ADAMTS16: variants seen among roughly 807,000 people sequenced by gnomAD.
ADAMTS16 encodes the protein ADAM metallopeptidase with thrombospondin type 1 motif 16, also known as A disintegrin and metalloproteinase with thrombospondin motifs 16.
Under a neutral mutation model 145.8 loss-of-function variants are expected in ADAMTS16, and 94 were observed. The ratio of observed to expected loss-of-function variants is 0.64; its 90% CI spans 0.55 to 0.77. The LOEUF is 0.77. Ranked by LOEUF, ADAMTS16 falls within the 30% of genes least tolerant of loss-of-function variation. The pLI, the probability that ADAMTS16 is intolerant of heterozygous loss-of-function variation, is 0.00. For missense variants in ADAMTS16, 1,585 were observed against 1,591.5 expected, an observed-to-expected ratio of 1.00 and a Z score of 0.07; for synonymous variants, 659 against 604.3, an observed-to-expected ratio of 1.09 and a Z score of -1.33.
At chr5:5,253,142 A>G (rs1360271343) in intron 17 of ADAMTS16, among the ~76,000 whole-genome samples, 3 of 152,142 alleles carry the variant, frequency 2.0e-5, no homozygotes, top group Non-Finnish European at 4.4e-5. Flanking sequence ...GTCTTGGTCA[A>G]TTAGAAAGTT....
intron 3 of ADAMTS16, among the ~76,000 whole-genome samples, chr5:5,177,957 G>A (rs1215260752): frequency 1.3e-5 from 2 of 152,058 alleles, no homozygotes; most frequent in Admixed American, 6.5e-5. Flanking sequence ...GTGACTGGGC[G>A]TTTATTCATT....
intron 18 of ADAMTS16, among the ~76,000 whole-genome samples, chr5:5,283,599 C>A (rs1739002813): frequency 6.6e-6 from 1 of 152,056 alleles, no homozygotes; most frequent in South Asian, 2.1e-4. Context: ...GCTCAATAGG[C>A]AAAAGGTGTA....
At chr5:5,211,032 A>C (rs1488613803) in intron 10 of ADAMTS16, among the ~76,000 whole-genome samples, 1 of 152,196 alleles carries the variant, frequency 6.6e-6, no homozygotes, top group African/African-American at 2.4e-5. Context: ...CTTGATTGAT[A>C]TTATTGGGAA....
chr5:5,296,965 G>A (rs528589402), intron 18 of ADAMTS16, among the ~76,000 whole-genome samples: 1 of 152,330 alleles, frequency 6.6e-6, no homozygotes, highest in African/African-American at 2.4e-5. Flanking sequence ...GGGAGAGGTG[G>A]CCTTCCAGCA....
chr5:5,292,012 T>C (rs1159951707), intron 18 of ADAMTS16, among the ~76,000 whole-genome samples: 4 of 152,142 alleles, frequency 2.6e-5, no homozygotes, highest in Non-Finnish European at 5.9e-5. Context: ...ATTGATGAAA[T>C]GTCAAATTAT....
chr5:5,259,598 A>C (rs141070215), intron 17 of ADAMTS16, among the ~76,000 whole-genome samples: 1 of 152,230 alleles, frequency 6.6e-6, no homozygotes, highest in East Asian at 1.9e-4. Flanking sequence ...GGAAAGAGTA[A>C]GGTTATGGTC....
intron 17 of ADAMTS16, among the ~76,000 whole-genome samples, chr5:5,258,405 G>C (rs961142099): frequency 2.4e-4 from 37 of 152,212 alleles, no homozygotes; most frequent in Admixed American, 1.9e-3. Flanking sequence ...AGTAGCAACT[G>C]AGCCTTTGTT....
In ADAMTS16 at chr5:5,279,316, C is replaced by T. The variant is rs373058349; in HGVS notation, c.2789+16533C>T. ...GGATTCTGGGGTGGAAGTCACTTTC[C>T]CCAGGAGTTTTAGCGTAATGTCCTT... On this transcript the variant is annotated intron_variant, in intron 18 of 22. Transcript: ENST00000274181. 2.2e-4 allele frequency among the ~76,000 whole-genome samples: 34 copies of T among 152,322 alleles called. No individual in the cohort carries two copies. The South Asian group carries it at 4.6e-3, about 20-fold the overall frequency.
At chr5:5,200,363 G>T in intron 9 of ADAMTS16, 94 bp downstream of exon 9, 7 of 1,496,432 alleles carry the variant, frequency 4.7e-6, no homozygotes, top group South Asian at 3.8e-5. Context: ...CCCAGGCTGT[G>T]CTTCCTGATG....
intron 3 of ADAMTS16, among the ~76,000 whole-genome samples, chr5:5,174,600 A>G (rs1405477455): frequency 6.6e-6 from 1 of 151,598 alleles, no homozygotes; most frequent in Non-Finnish European, 1.5e-5. Context: ...ATTTGAAACA[A>G]TTTTCTAGAT....
chr5:5,303,483 G>A lies in ADAMTS16; in HGVS notation c.2991+14G>A. 1.2e-6 allele frequency: 2 copies of A among 1,608,356 alleles called. No individual in the cohort carries two copies. The highest frequency in any genetic ancestry group is 1.1e-5 in the South Asian group (1 of 90,646). The stretch of plus-strand genomic sequence containing the variant: ...CCCTGGGCAGAGGTAACCAGGGTGG[G>A]GTTGGCATGGGTGGCAGCAGGGCCC... On this transcript the variant is annotated intron_variant, in intron 19 of 22. Transcript: ENST00000274181.
chr5:5,271,620 A>T (rs1738477904), intron 18 of ADAMTS16, among the ~76,000 whole-genome samples: 1 of 152,346 alleles, frequency 6.6e-6, no homozygotes, highest in South Asian at 2.1e-4. Flanking sequence ...TCTTCGGGTC[A>T]TTCATCTTAA....
intron 14 of ADAMTS16, 79 bp from the exon 15 acceptor site, chr5:5,239,072 T>C: frequency 7.3e-7 from 1 of 1,367,222 alleles, no homozygotes; most frequent in East Asian, 2.7e-5. Context: ...GGGAGGAGGT[T>C]TCTTGCATGA....
At chr5:5,237,335 G>A (rs1159935207) in intron 14 of ADAMTS16, among the ~76,000 whole-genome samples, 1 of 152,174 alleles carries the variant, frequency 6.6e-6, no homozygotes, top group Admixed American at 6.5e-5. Context: ...ATGGGTCTGG[G>A]ACATTCGTGG....
intron 10 of ADAMTS16, among the ~76,000 whole-genome samples, chr5:5,215,841 G>A (rs55796559): frequency 0.19 from 19,846 of 105,602 alleles, 2,447 homozygotes; most frequent in East Asian, 0.55. Flanking sequence ...TATGTGGTGT[G>A]TATATATATA....
chr5:5,162,544 A>G (rs1307481432), intron 3 of ADAMTS16, among the ~76,000 whole-genome samples: 2 of 152,180 alleles, frequency 1.3e-5, no homozygotes, highest in Non-Finnish European at 2.9e-5. Flanking sequence ...TTAGATGTAC[A>G]AAGTCTGTGC....
intron 3 of ADAMTS16, among the ~76,000 whole-genome samples, chr5:5,150,084 C>CT (rs1734408422): frequency 6.6e-6 from 1 of 152,182 alleles, no homozygotes; most frequent in South Asian, 2.1e-4. Context: ...GGAAACTCTA[C>CT]ACTTAACGTT....
intron 17 of ADAMTS16, among the ~76,000 whole-genome samples, chr5:5,249,571 G>A (rs373327686): frequency 2.6e-5 from 4 of 152,234 alleles, no homozygotes; most frequent in South Asian, 2.1e-4. Context: ...CCTGCGTGGC[G>A]GAAGCAGGCT....
At chr5:5,272,396 C>G (rs1738515698) in intron 18 of ADAMTS16, among the ~76,000 whole-genome samples, 1 of 135,858 alleles carries the variant, frequency 7.4e-6, no homozygotes, top group Non-Finnish European at 1.5e-5. Flanking sequence ...GAGTCTTGCT[C>G]TGTCACCCAG....
Sources: gnomAD v4.1 joint callset for allele counts (sites outside exome capture counted in the v4.1 genomes callset) on GRCh38, gnomAD v4.1.1 for gene constraint, MANE v1.5 for transcripts, NCBI Gene and HGNC (gene_info 2026-07-23, HGNC 2026-07-21) for gene names.